OPCML: variants seen among roughly 807,000 people sequenced by gnomAD.
OPCML encodes opioid-binding protein/cell adhesion molecule.
OPCML carries 13 observed loss-of-function variants against 37.8 expected under a neutral mutation model. That is an observed-to-expected ratio of 0.34 (90% CI 0.22 to 0.55). OPCML has a LOEUF of 0.55. OPCML is among the 20% of genes least tolerant of loss of function. The pLI is 0.91. For missense variants in OPCML, 341 were observed against 435.6 expected (o/e 0.78, Z 1.93); for synonymous variants, 176 against 168.8 (o/e 1.04, Z -0.33).
At chr11:133,307,028 G>C (rs1942938722) in intron 1 of OPCML, among the ~76,000 whole-genome samples, 1 of 152,110 alleles carries the variant, frequency 6.6e-6, no homozygotes, top group South Asian at 2.1e-4. Context: ...TCAATAACTT[G>C]GTAATATGAT....
intron 1 of OPCML, among the ~76,000 whole-genome samples, chr11:133,044,140 G>A (rs1393338947): frequency 6.6e-6 from 1 of 152,192 alleles, no homozygotes; most frequent in East Asian, 1.9e-4. Context: ...AAGATCAGTA[G>A]GAGTAAGCCA....
At chr11:133,237,394 T>G (rs962606965) in intron 1 of OPCML, among the ~76,000 whole-genome samples, 1 of 152,208 alleles carries the variant, frequency 6.6e-6, no homozygotes, top group Non-Finnish European at 1.5e-5. Context: ...GTGCTCTGGT[T>G]GCCATGCTGT....
chr11:133,482,624 TCA>T (rs1192423686), intron 1 of OPCML, among the ~76,000 whole-genome samples: 1 of 152,050 alleles, frequency 6.6e-6, no homozygotes, highest in Non-Finnish European at 1.5e-5. Context: ...GCCTGTTCTG[TCA>T]CCACTGAAAT....
In OPCML at chr11:132,620,723, C is replaced by T. The variant is rs186987313; in HGVS notation, c.379+36364G>A. Among the ~76,000 whole-genome samples, 381 of 152,282 alleles carry T rather than the reference C, an allele frequency of 2.5e-3. 3 individuals carry two copies. Among genetic ancestry groups the T allele is most frequent in the African/African-American group, 8.6e-3 (359 of 41,552 alleles). On this transcript the variant is annotated intron_variant, in intron 3 of 7. Transcript: ENST00000524381. ...TCTCAGAAAGAACAGATAGAGAATG[C>T]GTTGACCTGGCTCTCTCTCATCTCA...
intron 3 of OPCML, among the ~76,000 whole-genome samples, chr11:132,635,385 T>G (rs1166695678): frequency 6.6e-6 from 1 of 152,132 alleles, no homozygotes; most frequent in Non-Finnish European, 1.5e-5. Context: ...AAAACTTTAG[T>G]CAAATGTTGT....
At chr11:132,601,165 C>T (rs1304677117) in intron 3 of OPCML, among the ~76,000 whole-genome samples, 1 of 152,070 alleles carries the variant, frequency 6.6e-6, no homozygotes, top group Non-Finnish European at 1.5e-5. Flanking sequence ...ACCAACAACT[C>T]TCTGTAAACT....
At chr11:133,422,891 A>C in intron 1 of OPCML, 1 of 968,758 alleles carries the variant, frequency 1.0e-6, no homozygotes, top group Non-Finnish European at 1.2e-6. Flanking sequence ...AGGATGAAGA[A>C]TCTCATTTGA....
chr11:132,788,631 C>T (rs1937671433), intron 2 of OPCML, among the ~76,000 whole-genome samples: 1 of 152,182 alleles, frequency 6.6e-6, no homozygotes, highest in Non-Finnish European at 1.5e-5. Context: ...ATGTATACAA[C>T]ACATTCTATA....
At chr11:133,458,744 TGTGTATATATACACATAGATGCAC>T (rs1946779283) in intron 1 of OPCML, among the ~76,000 whole-genome samples, 9 of 147,524 alleles carry the variant, frequency 6.1e-5, no homozygotes, top group African/African-American at 1.8e-4. Context: ...GATGCACGTG[TGTGTATATATACACATAGATGCAC>T]GTGTGTGTAT....
intron 2 of OPCML, among the ~76,000 whole-genome samples, chr11:132,706,877 A>T (rs1187245849): frequency 6.6e-6 from 1 of 152,174 alleles, no homozygotes; most frequent in Non-Finnish European, 1.5e-5. Context: ...CCTGTTTCTG[A>T]TTTATTCCTT....
At chr11:132,892,972 C>G (rs143769113) in intron 2 of OPCML, among the ~76,000 whole-genome samples, 5 of 152,270 alleles carry the variant, frequency 3.3e-5, no homozygotes, top group Non-Finnish European at 7.4e-5. Flanking sequence ...CTCCTTCTCA[C>G]AACTTCTATT....
intron 1 of OPCML, among the ~76,000 whole-genome samples, chr11:133,082,937 C>T (rs1156705831): frequency 6.6e-6 from 1 of 150,578 alleles, no homozygotes; most frequent in Admixed American, 6.6e-5. Context: ...CCGGGGCGGA[C>T]GTCGCGCCAG....
intron 1 of OPCML, among the ~76,000 whole-genome samples, chr11:133,016,525 T>G (rs1056552794): frequency 6.6e-6 from 1 of 152,242 alleles, no homozygotes; most frequent in African/African-American, 2.4e-5. Flanking sequence ...TAAGGGTTCC[T>G]ATGATGACAC....
intron 3 of OPCML, among the ~76,000 whole-genome samples, chr11:132,586,755 T>C (rs753401267): frequency 2.2e-4 from 34 of 152,202 alleles, no homozygotes; most frequent in Non-Finnish European, 4.0e-4. Context: ...TCTGGTAAGG[T>C]GTGTTTACTC....
At chr11:132,458,926 C>T (rs79625640) in intron 4 of OPCML, among the ~76,000 whole-genome samples, 15,816 of 152,174 alleles carry the variant, frequency 0.1, 2,358 homozygotes, top group African/African-American at 0.33. Flanking sequence ...CCCTTTCAGA[C>T]AATTGTGTGT....
intron 1 of OPCML, among the ~76,000 whole-genome samples, chr11:133,352,648 G>T (rs773106270): frequency 3.3e-5 from 5 of 152,220 alleles, no homozygotes; most frequent in African/African-American, 1.2e-4. Context: ...TTACTACAGC[G>T]TATGGTGTAG....
intron 1 of OPCML, among the ~76,000 whole-genome samples, chr11:133,439,626 C>T (rs1946319869): frequency 6.6e-6 from 1 of 151,976 alleles, no homozygotes; most frequent in African/African-American, 2.4e-5. Context: ...CGCCACCATG[C>T]CCGGCTAATT....
chr11:132,933,422 C>G (rs1945273793), intron 2 of OPCML, among the ~76,000 whole-genome samples: 1 of 152,160 alleles, frequency 6.6e-6, no homozygotes, highest in Non-Finnish European at 1.5e-5. Context: ...TTATAACAAG[C>G]AGGCAGAGAA....
In OPCML at chr11:132,628,617, C is replaced by A. The variant is rs533753533; in HGVS notation, c.379+28470G>T. Among the ~76,000 whole-genome samples, 210 of 152,274 alleles carry A rather than the reference C, an allele frequency of 1.4e-3. 1 individual carries two copies. Among genetic ancestry groups the A allele is most frequent in the African/African-American group, 4.7e-3 (194 of 41,540 alleles). ...GCTCTCCCACTCTGGGCCACTATCG[C>A]CTGCCCTGATTACCCTAGGGCCAGG... is the stretch of plus-strand genomic sequence containing the variant. On this transcript the variant is annotated intron_variant, in intron 3 of 7. Transcript: ENST00000524381.
Sources: gnomAD v4.1 joint callset for allele counts (sites outside exome capture counted in the v4.1 genomes callset) on GRCh38, gnomAD v4.1.1 for gene constraint, MANE v1.5 for transcripts, NCBI Gene and HGNC (gene_info 2026-07-23, HGNC 2026-07-21) for gene names.